OGA: variants seen among roughly 807,000 people sequenced by gnomAD.
OGA encodes the protein O-GlcNAcase, also known as protein O-GlcNAcase.
Under a neutral mutation model 102.0 loss-of-function variants are expected in OGA, and 21 were observed. The ratio of observed to expected loss-of-function variants is 0.21; its 90% CI spans 0.15 to 0.30. OGA has a LOEUF of 0.30. Among genes scored for constraint, OGA ranks in the 10% least tolerant of loss-of-function variants. OGA has a pLI of 1.00. For missense variants in OGA, 765 were observed against 1,107.8 expected (o/e 0.69, Z 4.39); for synonymous variants, 408 against 378.2 (o/e 1.08, Z -0.91).
chr10:101,800,273 C>G lies in OGA; in HGVS notation c.1164G>C (p.Leu388Phe), dbSNP rs754093639. Residue 388 changes from leucine (L) to phenylalanine (F), a missense_variant, in exon 8 of 16, where the codon TTG becomes TTC. Leu to Phe is a conservative substitution (Grantham distance 22). Transcript: ENST00000361464. The stretch of plus-strand genomic sequence containing the variant: ...ATTGATGAGGCACACCAAACTCTTG[C>G]AACCATTCTGTTAATGCTAGCTTTA... ...MALKLALTEW[L>F]QEFGVPHQYS... 3.7e-6 allele frequency: 6 copies of G among 1,614,140 alleles called. No individual in the cohort carries two copies. The East Asian group carries it at 1.3e-4, about 36-fold the overall frequency.
rs777629575 is a variant in OGA, at chr10:101,799,289, T to C, written c.1362A>G (p.Glu454=). The C allele has an allele frequency of 6.2e-7, 1 of 1,614,086 alleles. No homozygotes were observed. The highest frequency in any genetic ancestry group is 1.3e-5 in the African/African-American group (1 of 74,932). ...CTTCATCAGGCTGTTTCTTTTCTTCTTCCTTGGTCAGAGTAGTAGGCTCAC... is the reference window on the plus strand; with the variant it reads ...CTTCATCAGGCTGTTTCTTTTCTTCCTCCTTGGTCAGAGTAGTAGGCTCAC... The part of the protein sequence containing the change: ...LSGEPTTLTK[E]EEKKQPDEEP... The change falls in exon 9 of 16, where the codon GAA becomes GAG. Residue 454 remains glutamate (E), a synonymous_variant. Transcript: ENST00000361464.
intron 7 of OGA, 102 bp downstream of exon 7, chr10:101,803,633 A>G (rs2065427842): frequency 8.2e-7 from 1 of 1,223,588 alleles, no homozygotes; most frequent in Non-Finnish European, 1.1e-6. Context: ...AAAATAAATA[A>G]AACTGTTTAA....
chr10:101,817,776 G>A (rs924714226), intron 1 of OGA, 48 bp downstream of exon 1: 3 of 1,530,428 alleles, frequency 2.0e-6, no homozygotes, highest in Non-Finnish European at 2.6e-6. Context: ...CTCCTCCCGA[G>A]GACAGAACGT....
intron 10 of OGA, among the ~76,000 whole-genome samples, chr10:101,795,491 T>G (rs1421165664): frequency 6.6e-6 from 1 of 152,144 alleles, no homozygotes; most frequent in Non-Finnish European, 1.5e-5. Flanking sequence ...CTGTACACAA[T>G]GGGGAAGAAG....
rs988190062 is a variant in OGA at position 101,785,030 on chromosome 10, A to T, written c.*1421T>A. On this transcript the variant is annotated 3_prime_UTR_variant, in exon 16 of 16. Transcript: ENST00000361464. Reference sequence around the variant, plus strand: ...GCTCTCTCAAAGCCCACAATGGTGGAGTTCTGTGAAAGAAAACTTAAGTTT... The same window carrying T: ...GCTCTCTCAAAGCCCACAATGGTGGTGTTCTGTGAAAGAAAACTTAAGTTT... 2 of 152,224 alleles carry T rather than the reference A, an allele frequency of 1.3e-5. No homozygotes were observed. Among genetic ancestry groups the T allele is most frequent in the Admixed American group, 1.3e-4 (2 of 15,282 alleles). The allele number at this position is 152,224 out of a possible 1,614,324, so 9.4% of individuals were successfully genotyped here.
At chr10:101,816,941 A>C (rs2065635790) in intron 1 of OGA, among the ~76,000 whole-genome samples, 2 of 152,220 alleles carry the variant, frequency 1.3e-5, no homozygotes, top group African/African-American at 4.8e-5. Flanking sequence ...TATAAAACAG[A>C]CATCTAGGAA....
intron 14 of OGA, among the ~76,000 whole-genome samples, chr10:101,789,578 AGAG>A (rs1274459472): frequency 6.6e-6 from 1 of 152,122 alleles, no homozygotes; most frequent in East Asian, 1.9e-4. Context: ...GAAAAGGAAA[AGAG>A]AAACAACATA....
At chr10:101,813,531 C>G (rs758920561) in intron 2 of OGA, 24 bp downstream of exon 2, 8 of 1,427,530 alleles carry the variant, frequency 5.6e-6, no homozygotes, top group South Asian at 1.2e-5. Flanking sequence ...GTTCTCCTCT[C>G]TCCTTCATAT....
intron 1 of OGA, among the ~76,000 whole-genome samples, chr10:101,817,232 G>C (rs1220855301): frequency 6.6e-6 from 1 of 152,234 alleles, no homozygotes. Flanking sequence ...TCGAGAATCT[G>C]TGATTAAAGC....
intron 12 of OGA, 73 bp from the exon 13 acceptor site, chr10:101,791,512 C>T: frequency 8.0e-7 from 1 of 1,248,540 alleles, no homozygotes; most frequent in South Asian, 1.2e-5. Flanking sequence ...ACTCACAAGT[C>T]AGTCTGGGGA....
In OGA at chr10:101,785,731, A is replaced by C. The variant is rs1268408692; in HGVS notation, c.*720T>G. On this transcript the variant is annotated 3_prime_UTR_variant, in exon 16 of 16. Coordinates refer to ENST00000361464, the MANE Select transcript of OGA (RefSeq NM_012215.5). ...CACCCTTTCATTTATAGAGGAAAAA[A>C]ATTTACAAAAACAGTAAACACAAAG... The C allele has an allele frequency of 6.6e-6, 1 of 152,584 alleles. No individual in the cohort carries two copies. The highest frequency in any genetic ancestry group is 1.5e-5 in the Non-Finnish European group (1 of 68,044). The allele number at this position is 152,584 out of a possible 1,614,324, so 9.5% of individuals were successfully genotyped here. A position where few individuals can be genotyped will look rare whatever the true frequency, so the allele number is the denominator to read the frequency against.
chr10:101,817,695 T>C (rs1425104561), intron 1 of OGA, 129 bp downstream of exon 1: 5 of 1,073,858 alleles, frequency 4.7e-6, no homozygotes, highest in Non-Finnish European at 6.5e-6. Context: ...CTCCCCTCGC[T>C]TTAGGAGGGC....
intron 1 of OGA, among the ~76,000 whole-genome samples, chr10:101,814,101 G>GTAGA (rs746892079): frequency 2.4e-4 from 36 of 152,078 alleles, no homozygotes; most frequent in Non-Finnish European, 4.4e-5. Context: ...GCTGAGGCAG[G>GTAGA]TAGATCACTT....
chr10:101,799,731 T>A (rs1356132365), intron 8 of OGA, among the ~76,000 whole-genome samples: 2 of 152,322 alleles, frequency 1.3e-5, no homozygotes, highest in East Asian at 3.9e-4. Flanking sequence ...CTTCAAAAAA[T>A]ATGTTTTTAA....
At chr10:101,811,329 C>T (rs947119287) in intron 3 of OGA, among the ~76,000 whole-genome samples, 1 of 140,050 alleles carries the variant, frequency 7.1e-6, no homozygotes, top group African/African-American at 2.7e-5. Flanking sequence ...GCAGAGGTTG[C>T]AGTGAGCCAA....
At chr10:101,800,490 C>T in intron 7 of OGA, 90 bp from the exon 8 acceptor site, 3 of 930,454 alleles carry the variant, frequency 3.2e-6, no homozygotes, top group South Asian at 3.3e-5. Flanking sequence ...CTAGTTTTCA[C>T]AGTATAACCA....
At chr10:101,807,665 A>G (rs1223200299) in intron 5 of OGA, 65 bp downstream of exon 5, 3 of 1,146,244 alleles carry the variant, frequency 2.6e-6, no homozygotes, top group Non-Finnish European at 1.2e-6. Context: ...AATGGGGCCC[A>G]TGGTCCTTTA....
intron 10 of OGA, among the ~76,000 whole-genome samples, chr10:101,796,322 C>T (rs2065316062): frequency 6.6e-6 from 1 of 151,624 alleles, no homozygotes; most frequent in Non-Finnish European, 1.5e-5. Context: ...AGTGCAGTGA[C>T]ACAATCTCGG....
At chr10:101,787,582 A>C (rs963775106) in intron 14 of OGA, 59 bp from the exon 15 acceptor site, 17 of 1,394,840 alleles carry the variant, frequency 1.2e-5, no homozygotes, top group Non-Finnish European at 1.6e-5. Flanking sequence ...ATCTAACCCA[A>C]CTACAGAACT....
Sources: allele counts gnomAD v4.1 joint callset (sites outside exome capture counted in the v4.1 genomes callset), GRCh38; gene constraint gnomAD v4.1.1; transcripts MANE v1.5; gene names NCBI Gene and HGNC (gene_info 2026-07-23, HGNC 2026-07-21).